Variants in ABCG5 observed in about 807,000 individuals in gnomAD.
ABCG5 encodes the protein ATP-binding cassette sub-family G member 5.
Under a neutral mutation model 64.5 loss-of-function variants are expected in ABCG5, and 64 were observed. The ratio of observed to expected loss-of-function variants is 0.99; its 90% confidence interval spans 0.81 to 1.22. ABCG5 has a LOEUF of 1.22. ABCG5 is among the 50% of genes most tolerant of loss of function. The pLI, the probability that ABCG5 is intolerant of heterozygous loss-of-function variation, is 0.00. For missense variants in ABCG5, 908 were observed against 829.5 expected (o/e 1.09, Z -1.16); for synonymous variants, 385 against 326.3 (o/e 1.18, Z -1.94).
chr2:43,811,221 G>A (rs1666469217), downstream of ABCG5, among the ~76,000 whole-genome samples: 1 of 152,110 alleles, frequency 6.6e-6, no homozygotes, highest in Non-Finnish European at 1.5e-5. Flanking sequence ...TATAACTGAT[G>A]TGACATATAT....
chr2:43,816,941 C>T (rs1458453560), intron 11 of ABCG5, among the ~76,000 whole-genome samples: 1 of 152,120 alleles, frequency 6.6e-6, no homozygotes, highest in African/African-American at 2.4e-5. Flanking sequence ...GAAAACACAG[C>T]AAAGCTAATT....
At chr2:43,835,627 C>G (rs868183803) in intron 2 of ABCG5, among the ~76,000 whole-genome samples, 16 of 152,030 alleles carry the variant, frequency 1.1e-4, no homozygotes, top group African/African-American at 3.9e-4. Context: ...ATCTTCACAC[C>G]CAAGATTATG....
At chr2:43,822,232 T>C (rs1283540982) in intron 10 of ABCG5, among the ~76,000 whole-genome samples, 1 of 152,176 alleles carries the variant, frequency 6.6e-6, no homozygotes, top group Non-Finnish European at 1.5e-5. Flanking sequence ...AAGCTCTTTT[T>C]TGGGAAATTG....
chr2:43,824,051 T>C lies in ABCG5; in HGVS notation c.1186A>G (p.Met396Val). ...ACGAAGAAAAGGAGGAACAAACCCA[T>C]GATCAGATTCTGAAGGAGACGCGTA... ...VITRLLQNLI[M>V]GLFLLFFVLR... The change falls in exon 9 of 13, where the codon ATG becomes GTG. Residue 396 changes from methionine (M) to valine (V), a missense_variant. Transcript: ENST00000405322. The C allele has an allele frequency of 6.2e-7, 1 of 1,614,220 alleles. No individual in the cohort carries two copies. The highest frequency in any genetic ancestry group is 8.5e-7 in the Non-Finnish European group (1 of 1,180,040).
At chr2:43,829,194 T>A (rs1667817611) in intron 4 of ABCG5, among the ~76,000 whole-genome samples, 1 of 152,180 alleles carries the variant, frequency 6.6e-6, no homozygotes, top group South Asian at 2.1e-4. Flanking sequence ...TTTATTATCA[T>A]AAATGCTTTA....
intron 10 of ABCG5, chr2:43,822,367 C>A: frequency 4.1e-6 from 1 of 241,610 alleles, no homozygotes; most frequent in East Asian, 1.8e-4. Context: ...GCTTCTCTTT[C>A]TACCTCCCTG....
At chr2:43,832,837 T>G (rs1012826836) in intron 2 of ABCG5, among the ~76,000 whole-genome samples, 4 of 152,104 alleles carry the variant, frequency 2.6e-5, no homozygotes, top group African/African-American at 9.7e-5. Context: ...TGAGACTGAG[T>G]GTCACTCTGT....
At chr2:43,826,988 T>C (rs1667650024) in intron 5 of ABCG5, among the ~76,000 whole-genome samples, 2 of 152,172 alleles carry the variant, frequency 1.3e-5, no homozygotes, top group African/African-American at 4.8e-5. Context: ...TGGCAGGCAT[T>C]TGGGTTCTTT....
chr2:43,832,170 C>T (rs1667991881), intron 2 of ABCG5, 87 bp from the exon 3 acceptor site: 2 of 1,535,300 alleles, frequency 1.3e-6, no homozygotes, highest in Non-Finnish European at 1.8e-6. Flanking sequence ...CAGGCATGAC[C>T]CCGCGGGCCA....
chr2:43,809,018 T>C (rs1162974649), downstream of ABCG5, among the ~76,000 whole-genome samples: 1 of 151,768 alleles, frequency 6.6e-6, no homozygotes, highest in East Asian at 1.9e-4. Flanking sequence ...TGACAGGATC[T>C]CACTCTGTCA....
At chr2:43,833,119 G>T (rs1243806325) in intron 2 of ABCG5, among the ~76,000 whole-genome samples, 1 of 151,890 alleles carries the variant, frequency 6.6e-6, no homozygotes, top group African/African-American at 2.4e-5. Context: ...TAAGGTTAAA[G>T]GTTAGGTGAT....
In ABCG5 at chr2:43,832,011, A is replaced by G; in HGVS notation, c.338T>C (p.Val113Ala). Reference sequence around the variant, plus strand: ...GCGCAGCGCCCGGCCGTTCACATACACCTCCCCCAGGAAGGTCCCCGCGCG... The same window carrying G: ...GCGCAGCGCCCGGCCGTTCACATACGCCTCCCCCAGGAAGGTCCCCGCGCG... ...LGRAGTFLGEVYVNGRALRRE... is the reference protein window; with the variant it reads ...LGRAGTFLGEAYVNGRALRRE... The change falls in exon 3 of 13, where the codon GTG becomes GCG. Residue 113 changes from valine (V) to alanine (A), a missense_variant. Physicochemically the swap from Val to Ala is moderately conservative, Grantham distance 64. Coordinates refer to ENST00000405322, the MANE Select transcript of ABCG5 (RefSeq NM_022436.3). 1.9e-6 allele frequency: 3 copies of G among 1,564,596 alleles called. No homozygotes were observed. The highest frequency in any genetic ancestry group is 2.6e-6 in the Non-Finnish European group (3 of 1,155,220).
chr2:43,812,809 A>G lies in ABCG5; in HGVS notation c.*307T>C, dbSNP rs1666551286. ...TGACCTATTTTTTTCTGTGCCTAGA[A>G]CAAGGAAAAAAAATAGTCACACGAG... On this transcript the variant is annotated 3_prime_UTR_variant, in exon 13 of 13. Coordinates refer to ENST00000405322, the MANE Select transcript of ABCG5 (RefSeq NM_022436.3). The G allele has an allele frequency of 3.0e-6, 1 of 337,356 alleles. No individual in the cohort carries two copies. Among genetic ancestry groups the G allele is most frequent in the Non-Finnish European group, 5.5e-6 (1 of 182,062 alleles). The allele number at this position is 337,356 out of a possible 1,614,324, so 20.9% of individuals were successfully genotyped here. A position where few individuals can be genotyped will look rare whatever the true frequency, so the allele number is the denominator to read the frequency against.
At chr2:43,822,264 C>A (rs1558736599) in intron 10 of ABCG5, among the ~76,000 whole-genome samples, 1 of 151,942 alleles carries the variant, frequency 6.6e-6, no homozygotes, top group Non-Finnish European at 1.5e-5. Context: ...TCCCTTTATG[C>A]TTCACCTCCT....
intron 4 of ABCG5, among the ~76,000 whole-genome samples, chr2:43,830,293 T>C (rs1365363884): frequency 6.6e-6 from 1 of 152,242 alleles, no homozygotes. Context: ...CCATGCTCTG[T>C]GCTTTCACGT....
At chr2:43,834,733 T>C (rs1406955160) in intron 2 of ABCG5, among the ~76,000 whole-genome samples, 2 of 152,238 alleles carry the variant, frequency 1.3e-5, no homozygotes, top group Non-Finnish European at 2.9e-5. Flanking sequence ...TGCAACTAAA[T>C]AATCTGCAAA....
At position 43,838,121 on chromosome 2, in the gene ABCG5, G is replaced by A. The variant is rs947677734; in HGVS notation, c.144-166C>T. The stretch of plus-strand genomic sequence containing the variant: ...TCCTCTGTAGAACCTGGCAGATAGC[G>A]ACTGAGGCTGTCTGCCACGTAGGGA... On this transcript the variant is annotated intron_variant, in intron 1 of 12. Transcript: ENST00000405322. The surrounding 1 kb of genome is among the most constrained non-coding windows in gnomAD (Gnocchi z 4.2). 4 of 876,280 alleles carry A rather than the reference G, an allele frequency of 4.6e-6. No individual in the cohort carries two copies. The highest frequency in any genetic ancestry group is 7.0e-6 in the Non-Finnish European group (4 of 568,820). 54.3% of individuals were successfully genotyped at this position (876,280 alleles called of 1,614,324 possible).
At chr2:43,811,082 A>G (rs565771453), downstream of ABCG5, among the ~76,000 whole-genome samples, 160 of 152,330 alleles carry the variant, frequency 1.1e-3, no homozygotes, top group Middle Eastern at 3.4e-3. Flanking sequence ...CTGCATATGA[A>G]TAGTAGAAAA....
chr2:43,820,348 C>T (rs1667109342), intron 10 of ABCG5, among the ~76,000 whole-genome samples: 2 of 152,338 alleles, frequency 1.3e-5, no homozygotes, highest in South Asian at 4.1e-4. Flanking sequence ...CTTCAGCTCT[C>T]ATAGGAAAAC....
Sources: gnomAD v4.1 joint callset for allele counts (sites outside exome capture counted in the v4.1 genomes callset) on GRCh38, gnomAD v4.1.1 for gene constraint, Gnocchi (gnomAD v3.1) non-coding constraint, MANE v1.5 for transcripts, NCBI Gene and HGNC (gene_info 2026-07-23, HGNC 2026-07-21) for gene names.